NCOR2: variants seen among roughly 807,000 people sequenced by gnomAD.
NCOR2 encodes nuclear receptor corepressor 2.
NCOR2 carries 81 observed loss-of-function variants against 262.9 expected under a neutral mutation model. The ratio of observed to expected loss-of-function variants is 0.31; its 90% CI spans 0.26 to 0.37. The LOEUF is 0.37. Ranked by LOEUF, NCOR2 falls within the 10% of genes least tolerant of loss-of-function variation. NCOR2 has a pLI of 1.00. For missense variants in NCOR2, 3,385 were observed against 3,621.4 expected (o/e 0.93, Z 1.68); for synonymous variants, 1,659 against 1,559.3 (o/e 1.06, Z -1.51).
Position 124,482,135 on chromosome 12 carries a change from C to T in NCOR2, c.411+1461G>A, listed in dbSNP as rs2047525365. Among the ~76,000 whole-genome samples, 1 of 152,120 alleles carries T rather than the reference C, an allele frequency of 6.6e-6. No individual in the cohort carries two copies. The highest frequency in any genetic ancestry group is 2.4e-5 in the African/African-American group (1 of 41,408). On this transcript the variant is annotated intron_variant, in intron 3 of 46. Coordinates refer to ENST00000405201, the Ensembl canonical transcript of NCOR2. The surrounding 1 kb of genome is among the most constrained non-coding windows in gnomAD (Gnocchi z 6.3). ...CTCTCAGGCGCATGTGGTCTGTTGG[C>T]TAGGAGTTCATTAACTGACCTCCAC...
chr12:124,438,031 G>A (rs748136931), intron 7 of NCOR2, 35 bp from the exon 10 acceptor site: 31 of 1,586,642 alleles, frequency 2.0e-5, no homozygotes, highest in Middle Eastern at 1.7e-4. Flanking sequence ...AGGTCAGCCC[G>A]GCCGGGCTCA....
chr12:124,368,707 C>T (rs1445535930), intron 20 of NCOR2, among the ~76,000 whole-genome samples: 1 of 152,202 alleles, frequency 6.6e-6, no homozygotes, highest in Non-Finnish European at 1.5e-5. Flanking sequence ...AATGTCACCT[C>T]CCCAGAGGCC....
rs374488031 is a variant in NCOR2, at chr12:124,385,838, G to A, written c.1926C>T (p.Gly642=). ...TCTTACACTGCGACACAGTCTTGGA[G>A]CCCACCATCCGGGCGATGGCCGACC... The change falls in exon 17 of 47, where the codon GGC becomes GGT. Residue 642 remains glycine, a synonymous_variant. Transcript: ENST00000405201. The A allele has an allele frequency of 1.9e-6, 3 of 1,613,832 alleles. No individual in the cohort carries two copies. In the African/African-American group the frequency reaches 4.0e-5, roughly 22 times the overall value.
chr12:124,431,515 C>A (rs1437403566), intron 8 of NCOR2, among the ~76,000 whole-genome samples: 6 of 149,476 alleles, frequency 4.0e-5, no homozygotes, highest in Non-Finnish European at 8.9e-5. Flanking sequence ...CACATACATA[C>A]AGTCAGACAG....
rs1455034462 is a variant in NCOR2, at chr12:124,443,668, A to C, written c.816-5672T>G. On this transcript the variant is annotated intron_variant, in intron 7 of 46. Transcript: ENST00000405201. This position sits in a 1 kb window ranked among gnomAD's most constrained non-coding sequence, Gnocchi z 4.4. ...TAGGCACGTGCCACTACGCCCAGCTAATTTTCGTATTTTTAGTAGAGACGG... is the reference window on the plus strand; with the variant it reads ...TAGGCACGTGCCACTACGCCCAGCTCATTTTCGTATTTTTAGTAGAGACGG... Among the ~76,000 whole-genome samples, 1 of 151,650 alleles carries C rather than the reference A, an allele frequency of 6.6e-6. No individual in the cohort carries two copies. Among genetic ancestry groups the C allele is most frequent in the Non-Finnish European group, 1.5e-5 (1 of 67,934 alleles).
In NCOR2 at chr12:124,438,413, T is replaced by C. The variant is rs114255218; in HGVS notation, c.816-417A>G. ...GCCGCCCACAGGCCGGGTGTCAGAG[T>C]GTGGCCTGTGTGGCCCCAGGATTGG... On this transcript the variant is annotated intron_variant, in intron 7 of 46. Coordinates refer to ENST00000405201, the Ensembl canonical transcript of NCOR2. Among the ~76,000 whole-genome samples, 701 of 150,808 alleles carry C rather than the reference T, an allele frequency of 4.6e-3. 4 individuals carry two copies. Among genetic ancestry groups the C allele is most frequent in the African/African-American group, 0.016 (661 of 40,896 alleles).
At chr12:124,416,906 G>A (rs939240377) in intron 13 of NCOR2, among the ~76,000 whole-genome samples, 8 of 152,226 alleles carry the variant, frequency 5.3e-5, no homozygotes, top group African/African-American at 1.7e-4. Context: ...GCACTGTCTT[G>A]AAGCCACCTG....
chr12:124,455,266 CA>C (rs1333747507), intron 6 of NCOR2, among the ~76,000 whole-genome samples: 1 of 152,038 alleles, frequency 6.6e-6, no homozygotes, highest in Non-Finnish European at 1.5e-5. Flanking sequence ...GTTTACAAAA[CA>C]AAAAAACAAG....
intron 20 of NCOR2, among the ~76,000 whole-genome samples, chr12:124,368,264 G>T (rs1338191629): frequency 6.6e-6 from 1 of 152,202 alleles, no homozygotes; most frequent in Admixed American, 6.5e-5. Flanking sequence ...CACTCATGAA[G>T]GCCGGTTGGG....
rs2040567843 is a variant in NCOR2 at position 124,383,540 on chromosome 12, A to C, written c.2019+2205T>G. ...TAATAAAACCTTCCAACTCAAAAAA[A>C]AAAAAAGAGGGGGCCTCAGGTGGCC... On this transcript the variant is annotated intron_variant, in intron 17 of 46. Coordinates refer to ENST00000405201, the Ensembl canonical transcript of NCOR2. 9.7e-6 allele frequency: 6 copies of C among 621,334 alleles called. No homozygotes were observed. The South Asian group carries it at 2.7e-4, about 28-fold the overall frequency. The allele number at this position is 621,334 out of a possible 1,614,324, so 38.5% of individuals were successfully genotyped here. A position where few individuals can be genotyped will look rare whatever the true frequency, so the allele number is the denominator to read the frequency against.
intron 22 of NCOR2, among the ~76,000 whole-genome samples, chr12:124,360,173 G>T (rs1404424065): frequency 6.6e-6 from 1 of 152,220 alleles, no homozygotes; most frequent in Non-Finnish European, 1.5e-5. Context: ...CCCCTGACAT[G>T]GATACACAGC....
intron 44 of NCOR2, among the ~76,000 whole-genome samples, chr12:124,329,347 G>A (rs36018719): frequency 0.016 from 2,430 of 151,652 alleles, 28 homozygotes; most frequent in Non-Finnish European, 0.027. Flanking sequence ...CTGTAATCCC[G>A]CTACTTGGGA....
chr12:124,478,747 C>T (rs765965149), intron 3 of NCOR2, among the ~76,000 whole-genome samples: 2 of 151,352 alleles, frequency 1.3e-5, no homozygotes, highest in Non-Finnish European at 2.9e-5. Context: ...ACAGACAGAT[C>T]GAGAAACAGA....
chr12:124,564,197 TC>T (rs1446984165), intron 1 of NCOR2, among the ~76,000 whole-genome samples: 1 of 152,154 alleles, frequency 6.6e-6, no homozygotes, highest in Non-Finnish European at 1.5e-5. Context: ...GTTCCCTGGC[TC>T]CAAGCTCCCT....
intron 1 of NCOR2, among the ~76,000 whole-genome samples, chr12:124,487,427 T>C (rs2047825003): frequency 6.6e-6 from 1 of 152,252 alleles, no homozygotes; most frequent in African/African-American, 2.4e-5. Flanking sequence ...CGTCGTCCAT[T>C]TGACAAAGAC....
intron 4 of NCOR2, among the ~76,000 whole-genome samples, chr12:124,470,808 A>G (rs2046793405): frequency 6.6e-6 from 1 of 152,258 alleles, no homozygotes; most frequent in Non-Finnish European, 1.5e-5. Flanking sequence ...ATGCTTGAGA[A>G]TTTCACTTTT....
intron 1 of NCOR2, among the ~76,000 whole-genome samples, chr12:124,564,363 C>A (rs2052164968): frequency 6.6e-6 from 1 of 152,210 alleles, no homozygotes; most frequent in Admixed American, 6.5e-5. Context: ...CCTTGCCCCT[C>A]CCCTGGGCAC....
chr12:124,324,913 G>A (rs1055941), exon 47 of NCOR2: 9,496 of 152,790 alleles, frequency 0.062, 394 homozygotes, highest in Non-Finnish European at 0.089. Context: ...TGTGGGGACC[G>A]GAACGAGCGC....
Position 124,457,055 on chromosome 12 carries a change from T to TC in NCOR2, c.762+50dup. On this transcript the variant is annotated intron_variant, in intron 6 of 46. Transcript: ENST00000405201. This position sits in a 1 kb window ranked among gnomAD's most constrained non-coding sequence, Gnocchi z 4.0. Reference sequence around the variant, plus strand: ...ACCCTCCCGCCTCCCTGCCCACCTCTCCAGCCACCCCCGCCCTCCCCTGAG... The same window carrying TC: ...ACCCTCCCGCCTCCCTGCCCACCTCTCCCAGCCACCCCCGCCCTCCCCTGAG... 3.5e-6 allele frequency: 2 copies of TC among 573,190 alleles called. No homozygotes were observed. The highest frequency in any genetic ancestry group is 2.0e-5 in the South Asian group (1 of 50,758). 35.5% of individuals were successfully genotyped at this position (573,190 alleles called of 1,614,324 possible).
Sources: allele counts gnomAD v4.1 joint callset (sites outside exome capture counted in the v4.1 genomes callset), GRCh38; gene constraint gnomAD v4.1.1; non-coding constraint Gnocchi (gnomAD v3.1); transcripts MANE v1.5; gene names NCBI Gene and HGNC (gene_info 2026-07-23, HGNC 2026-07-21).